The following ANKFY1 variants were observed in gnomAD, a reference collection of about 807,000 sequenced individuals.
ANKFY1 encodes the protein ankyrin repeat and FYVE domain-containing protein 1.
A neutral mutation model predicts 128.3 loss-of-function variants in ANKFY1; 47 were observed. The observed-to-expected ratio is 0.37, with a 90% confidence interval of 0.29 to 0.47. The LOEUF (loss-of-function observed/expected upper bound fraction) is 0.47. Ranked by LOEUF, ANKFY1 falls within the 20% of genes least tolerant of loss-of-function variation. The pLI is 1.00. For missense variants in ANKFY1, 1,222 were observed against 1,510.6 expected (o/e 0.81, Z 3.17); for synonymous variants, 553 against 601.6 (o/e 0.92, Z 1.18).
intron 2 of ANKFY1, among the ~76,000 whole-genome samples, chr17:4,237,444 G>A (rs1350586382): frequency 1.3e-5 from 2 of 152,136 alleles, no homozygotes; most frequent in East Asian, 1.9e-4. Flanking sequence ...CTGTGACAAA[G>A]TGTAAACAAT....
chr17:4,184,975 G>A lies in ANKFY1; in HGVS notation c.1542C>T (p.Gly514=), dbSNP rs890083527. ...CCTCCGTCTGCAGGTTTGGGTTGGC[G>A]CCTTGCTGCAGGAGCTCTGCCGTGA... is the stretch of plus-strand genomic sequence containing the variant. ...ANLTAELLQQ[G]ANPNLQTEEA... Residue 514 remains glycine, a synonymous_variant, in exon 12 of 25, where the codon GGC becomes GGT. Coordinates refer to ENST00000341657, the MANE Select transcript of ANKFY1 (RefSeq NM_001330063.2). 4 of 1,613,852 alleles carry A rather than the reference G, an allele frequency of 2.5e-6. No individual in the cohort carries two copies. Among genetic ancestry groups the A allele is most frequent in the African/African-American group, 1.3e-5 (1 of 74,930 alleles).
At position 4,184,847 on chromosome 17, in the gene ANKFY1, T is replaced by C; in HGVS notation, c.1670A>G (p.Asp557Gly). Residue 557 changes from aspartate (D) to glycine (G), a missense_variant, in exon 12 of 25, where the codon GAT (aspartate) becomes GGT (glycine). Transcript: ENST00000341657. ...LHMAIAYNHPDVVSVILEQKA... is the reference protein window; with the variant it reads ...LHMAIAYNHPGVVSVILEQKA... ...CTGCTCCAGGATGACAGACACCACA[T>C]CCGGATGGTTATAGGCGATCGCCAT... 1.2e-6 allele frequency: 2 copies of C among 1,613,694 alleles called. No individual in the cohort carries two copies. Among genetic ancestry groups the C allele is most frequent in the Non-Finnish European group, 1.7e-6 (2 of 1,180,026 alleles).
chr17:4,187,055 G>A (rs983195687), intron 11 of ANKFY1: 4 of 1,214,648 alleles, frequency 3.3e-6, no homozygotes, highest in South Asian at 8.6e-5. Context: ...TGGTTCCACG[G>A]ATAAGTTCTT....
Position 4,242,466 on chromosome 17 carries a change from A to G in ANKFY1, c.11-18T>C. The G allele has an allele frequency of 5.2e-6, 8 of 1,524,910 alleles. No homozygotes were observed. The highest frequency in any genetic ancestry group is 7.0e-6 in the Non-Finnish European group (8 of 1,138,062). 94.5% of individuals were successfully genotyped at this position (1,524,910 alleles called of 1,614,324 possible). The stretch of plus-strand genomic sequence containing the variant: ...CACCTCCTCTGCAAGGAAAACGAAG[A>G]ATCAAGTTCACCGTGGCTGCTGGAA... On this transcript the variant is annotated intron_variant, in intron 1 of 24. Transcript: ENST00000341657.
At chr17:4,263,674 G>A (rs1211427995) in intron 1 of ANKFY1, 1 of 1,531,806 alleles carries the variant, frequency 6.5e-7, no homozygotes, top group East Asian at 2.5e-5. Flanking sequence ...ACGCAGCACC[G>A]GCGCGGGACC....
intron 1 of ANKFY1, among the ~76,000 whole-genome samples, chr17:4,261,315 C>T (rs1004491438): frequency 6.6e-6 from 1 of 152,132 alleles, no homozygotes; most frequent in Non-Finnish European, 1.5e-5. Flanking sequence ...ACAGTGAAAC[C>T]CCATCTCTAC....
chr17:4,164,058 C>T lies in ANKFY1; in HGVS notation c.*3721G>A, dbSNP rs1311916568. ...TACCATCACCCCACACTGAGCACCA[C>T]CCCGAAGGGGCTGGAAGCCAGGTGA... On this transcript the variant is annotated 3_prime_UTR_variant, in exon 25 of 25. Transcript: ENST00000341657. 1.3e-5 allele frequency: 2 copies of T among 152,672 alleles called. No homozygotes were observed. Among genetic ancestry groups the T allele is most frequent in the East Asian group, 1.9e-4 (1 of 5,198 alleles). 9.5% of individuals were successfully genotyped at this position (152,672 alleles called of 1,614,324 possible). A position where few individuals can be genotyped will look rare whatever the true frequency, so the allele number is the denominator to read the frequency against.
intron 22 of ANKFY1, among the ~76,000 whole-genome samples, chr17:4,172,284 A>T (rs1270171489): frequency 2.0e-5 from 3 of 152,176 alleles, no homozygotes; most frequent in Non-Finnish European, 4.4e-5. Flanking sequence ...ACTGGACAAA[A>T]GGCAAATGAG....
intron 5 of ANKFY1, 194 bp from the exon 6 acceptor site, chr17:4,208,276 G>A: frequency 2.0e-6 from 1 of 504,690 alleles, no homozygotes; most frequent in East Asian, 3.4e-5. Context: ...AAATATTATG[G>A]CATAAAGAGA....
intron 24 of ANKFY1, among the ~76,000 whole-genome samples, chr17:4,168,388 G>C (rs1369006846): frequency 6.6e-6 from 1 of 152,216 alleles, no homozygotes; most frequent in Non-Finnish European, 1.5e-5. Context: ...GCGAAGTGGA[G>C]ATTGCAGTAA....
intron 3 of ANKFY1, among the ~76,000 whole-genome samples, chr17:4,221,601 T>C (rs560841150): frequency 2.7e-4 from 41 of 152,262 alleles, no homozygotes; most frequent in Admixed American, 4.6e-4. Context: ...TTTAATTAAA[T>C]TCTCTGAGTT....
chr17:4,262,038 G>T (rs1476854676), intron 1 of ANKFY1, among the ~76,000 whole-genome samples: 1 of 152,222 alleles, frequency 6.6e-6, no homozygotes, highest in Admixed American at 6.5e-5. Flanking sequence ...ACAAAAACTG[G>T]GTGCCTGCCG....
Position 4,178,826 on chromosome 17 carries a change from A to G in ANKFY1, c.2598+31T>C. The G allele has an allele frequency of 6.2e-7, 1 of 1,606,134 alleles. No individual in the cohort carries two copies. Among genetic ancestry groups the G allele is most frequent in the Non-Finnish European group, 8.5e-7 (1 of 1,173,274 alleles). On this transcript the variant is annotated intron_variant, in intron 18 of 24. Transcript: ENST00000341657. This position sits in a 1 kb window ranked among gnomAD's most constrained non-coding sequence, Gnocchi z 4.1. ...TCCAGGTTCCGCGACGCCCAGGACC[A>G]TGTGGAGAAGGTCAGGTGTTATTCA...
At chr17:4,223,686 G>T in intron 3 of ANKFY1, 2 of 1,601,960 alleles carry the variant, frequency 1.2e-6, no homozygotes, top group Non-Finnish European at 1.7e-6. Flanking sequence ...GATGGTTACC[G>T]AATAGCCCAG....
chr17:4,229,640 C>G (rs909909435), intron 3 of ANKFY1, among the ~76,000 whole-genome samples: 1 of 151,906 alleles, frequency 6.6e-6, no homozygotes, highest in African/African-American at 2.4e-5. Context: ...TGAGAAAAAC[C>G]CAAAAGCAGT....
rs939148260 is a variant in ANKFY1, at chr17:4,197,576, T to G, written c.900A>C (p.Gly300=). The change falls in exon 8 of 25, where the codon GGA becomes GGC. Residue 300 remains glycine (G), a splice_region_variant and synonymous_variant. Transcript: ENST00000341657. ...TGAGGAAAGTGGCAGCAAAGAGATC[T>G]CCTTGAAAAGAAATAATAGAAGAAA... ...WSLLHKGIQR[G]DLFAATFLIK... 9.3e-6 allele frequency: 15 copies of G among 1,613,940 alleles called. No individual in the cohort carries two copies. Among genetic ancestry groups the G allele is most frequent in the Non-Finnish European group, 1.1e-5 (13 of 1,179,908 alleles).
chr17:4,189,618 C>G, intron 10 of ANKFY1, 139 bp from the exon 11 acceptor site: 2 of 742,670 alleles, frequency 2.7e-6, no homozygotes, highest in Non-Finnish European at 4.4e-6. Flanking sequence ...AGTAGGCCCA[C>G]GCCAGACAGT....
At chr17:4,189,242 C>T in intron 11 of ANKFY1, 140 bp downstream of exon 11, 1 of 640,190 alleles carries the variant, frequency 1.6e-6, no homozygotes, top group Non-Finnish European at 2.7e-6. Context: ...CTGTTTCACT[C>T]TGGCTTTTTA....
intron 3 of ANKFY1, among the ~76,000 whole-genome samples, chr17:4,228,994 T>C (rs191090150): frequency 1.9e-4 from 29 of 152,288 alleles, no homozygotes; most frequent in Middle Eastern, 3.4e-3. Flanking sequence ...CACCACCACA[T>C]AGTAACTGCT....
Sources: gnomAD v4.1 joint callset for allele counts (sites outside exome capture counted in the v4.1 genomes callset) on GRCh38, gnomAD v4.1.1 for gene constraint, Gnocchi (gnomAD v3.1) non-coding constraint, MANE v1.5 for transcripts, NCBI Gene and HGNC (gene_info 2026-07-23, HGNC 2026-07-21) for gene names.